Variants in NCK1 observed in about 807,000 individuals in gnomAD.
The protein encoded by NCK1 is SH2/SH3 adapter protein NCK1.
NCK1 carries 19 observed loss-of-function variants against 36.6 expected under a neutral mutation model. The observed-to-expected ratio is 0.52, with a 90% CI of 0.36 to 0.76. NCK1 has a LOEUF of 0.76. Ranked by LOEUF, NCK1 falls within the 30% of genes least tolerant of loss-of-function variation. The probability of loss-of-function intolerance (pLI) is 0.00; values close to 1 mark genes in which losing one functional copy is unlikely to be tolerated. For missense variants in NCK1, 358 were observed against 445.6 expected (o/e 0.80, Z 1.77); for synonymous variants, 165 against 156.0 (o/e 1.06, Z -0.43).
At chr3:136,899,978 G>A in intron 1 of NCK1, 2 of 712,014 alleles carry the variant, frequency 2.8e-6, no homozygotes, top group Non-Finnish European at 5.1e-6. Context: ...TGGATTGCTT[G>A]TTTAAAGGTA....
chr3:136,913,588 G>A (rs766777490), intron 1 of NCK1, among the ~76,000 whole-genome samples: 20 of 152,228 alleles, frequency 1.3e-4, no homozygotes, highest in Non-Finnish European at 2.6e-4. Flanking sequence ...TTTGATTGTT[G>A]TAGGCTATCT....
chr3:136,918,642 AT>A (rs1940025088), intron 1 of NCK1, among the ~76,000 whole-genome samples: 1 of 152,210 alleles, frequency 6.6e-6, no homozygotes. Context: ...CCCAACACAA[AT>A]TCACAAACGT....
chr3:136,870,772 C>CT (rs1938592828), intron 1 of NCK1, among the ~76,000 whole-genome samples: 2 of 147,642 alleles, frequency 1.4e-5, no homozygotes, highest in South Asian at 4.3e-4. Flanking sequence ...GCTTTTGTCT[C>CT]TTTCCTCTTT....
rs75755018 is a variant in NCK1, at chr3:136,912,492, C to CT, written c.-18-15478dup. On this transcript the variant is annotated intron_variant, in intron 1 of 3. Transcript: ENST00000481752. ...TTGCCTCTTTTGACTTTTCTTCAGT[C>CT]TTTTTTTTTTTTTTATGTTGCCCTA... Among the ~76,000 whole-genome samples the CT allele has an allele frequency of 3.2e-3, 472 of 145,650 alleles. 3 individuals carry two copies. Among genetic ancestry groups the CT allele is most frequent in the Admixed American group, 0.012 (176 of 14,742 alleles).
intron 2 of NCK1, among the ~76,000 whole-genome samples, chr3:136,944,111 C>CTTTTTTT (rs1560055771): frequency 0.054 from 4,369 of 80,782 alleles, 508 homozygotes; most frequent in Non-Finnish European, 0.075. Flanking sequence ...GGAAAAACAA[C>CTTTTTTT]CTTTTTTTTT....
intron 2 of NCK1, among the ~76,000 whole-genome samples, chr3:136,932,450 A>C (rs1047607317): frequency 6.6e-6 from 1 of 152,238 alleles, no homozygotes; most frequent in Admixed American, 6.5e-5. Context: ...CTTTGAAAAC[A>C]AAAATTGTAC....
Position 136,946,049 on chromosome 3 carries a change from A to G in NCK1, c.693A>G (p.Lys231=), listed in dbSNP as rs1940811285. The change falls in exon 3 of 4, where the codon AAA becomes AAG. Residue 231 remains lysine, a synonymous_variant. Transcript: ENST00000481752. The part of the protein sequence containing the change: ...EKPENDPEWW[K]CRKINGMVGL... ...CTGAAAATGACCCAGAGTGGTGGAA[A>G]TGCAGGAAGATCAATGGTATGGTTG... is the stretch of plus-strand genomic sequence containing the variant. The G allele has an allele frequency of 1.2e-6, 2 of 1,613,958 alleles. No individual in the cohort carries two copies. The highest frequency in any genetic ancestry group is 1.3e-5 in the African/African-American group (1 of 74,898).
chr3:136,899,776 G>A, intron 1 of NCK1: 10 of 1,373,328 alleles, frequency 7.3e-6, no homozygotes, highest in Non-Finnish European at 1.0e-5. Flanking sequence ...TGAGACTTCT[G>A]CACATTAGTG....
chr3:136,899,663 A>T, intron 1 of NCK1: 1 of 732,208 alleles, frequency 1.4e-6, no homozygotes, highest in Admixed American at 1.8e-5. Flanking sequence ...TAGTAATCTT[A>T]TCCAAATCTA....
intron 1 of NCK1, among the ~76,000 whole-genome samples, chr3:136,910,311 CAT>C (rs1347718175): frequency 1.3e-5 from 2 of 152,176 alleles, no homozygotes; most frequent in African/African-American, 4.8e-5. Flanking sequence ...ACTTCAGTAA[CAT>C]AGAGTAACTT....
intron 1 of NCK1, among the ~76,000 whole-genome samples, chr3:136,867,054 TTC>T (rs1315466790): frequency 2.5e-3 from 1 of 394 alleles, no homozygotes; most frequent in Non-Finnish European, 6.7e-3. Flanking sequence ...TTGCTTTTCT[TTC>T]TTTCTTTCTT....
intron 2 of NCK1, among the ~76,000 whole-genome samples, chr3:136,933,872 T>A (rs532234719): frequency 1.3e-5 from 2 of 150,140 alleles, no homozygotes; most frequent in South Asian, 4.2e-4. Context: ...ACCTGGCTAA[T>A]TTTTTTTGTA....
intron 1 of NCK1, among the ~76,000 whole-genome samples, chr3:136,927,390 A>AAACTATCTT (rs1940269967): frequency 1.3e-5 from 2 of 152,268 alleles, no homozygotes; most frequent in Non-Finnish European, 2.9e-5. Context: ...TCTTGTTACT[A>AAACTATCTT]GGTACATAGA....
At chr3:136,917,374 C>G (rs1423647957) in intron 1 of NCK1, among the ~76,000 whole-genome samples, 2 of 152,138 alleles carry the variant, frequency 1.3e-5, no homozygotes, top group Non-Finnish European at 2.9e-5. Context: ...TTTCTCAGGC[C>G]TGGCCTGGTT....
chr3:136,898,549 C>G (rs919903316), intron 1 of NCK1, among the ~76,000 whole-genome samples: 4 of 152,144 alleles, frequency 2.6e-5, no homozygotes, highest in African/African-American at 9.7e-5. Context: ...TGCCATAATA[C>G]AGCAACCATT....
At chr3:136,890,770 T>G (rs1347657892) in intron 1 of NCK1, among the ~76,000 whole-genome samples, 1 of 152,226 alleles carries the variant, frequency 6.6e-6, no homozygotes, top group African/African-American at 2.4e-5. Context: ...TAACCATTTT[T>G]AAGTGTACAG....
At chr3:136,928,859 T>C (rs1940318867) in intron 2 of NCK1, 1 of 141,324 alleles carries the variant, frequency 7.1e-6, no homozygotes, top group South Asian at 2.2e-4. Flanking sequence ...TGGCCTCTTC[T>C]TTAAAAAAAA....
At chr3:136,871,093 T>TG (rs1349910854) in intron 1 of NCK1, among the ~76,000 whole-genome samples, 2 of 149,566 alleles carry the variant, frequency 1.3e-5, no homozygotes, top group African/African-American at 2.6e-5. Context: ...AGCTTACTAA[T>TG]TTTTTTTTAA....
chr3:136,924,568 G>A (rs1940191923), intron 1 of NCK1, among the ~76,000 whole-genome samples: 1 of 152,334 alleles, frequency 6.6e-6, no homozygotes, highest in Middle Eastern at 3.4e-3. Context: ...GATGAAATAA[G>A]TGTTGCAGGA....
Sources: allele counts gnomAD v4.1 joint callset (sites outside exome capture counted in the v4.1 genomes callset), GRCh38; gene constraint gnomAD v4.1.1; transcripts MANE v1.5; gene names NCBI Gene and HGNC (gene_info 2026-07-23, HGNC 2026-07-21).